The following CNTNAP2 variants were observed in gnomAD, a reference collection of about 807,000 sequenced individuals.
CNTNAP2 encodes contactin-associated protein-like 2.
CNTNAP2 carries 98 observed loss-of-function variants against 155.2 expected under a neutral mutation model. The ratio of observed to expected loss-of-function variants is 0.63; its 90% CI spans 0.54 to 0.75. The LOEUF is 0.75. Among genes scored for constraint, CNTNAP2 ranks in the 30% least tolerant of loss-of-function variants. The pLI, the probability that CNTNAP2 is intolerant of heterozygous loss-of-function variation, is 0.00. For synonymous variants in CNTNAP2, 651 were observed against 631.2 expected (o/e 1.03, Z -0.47); for missense variants, 1,727 against 1,688.1 (o/e 1.02, Z -0.40).
At chr7:147,484,545 T>C (rs1478533829) in intron 10 of CNTNAP2, among the ~76,000 whole-genome samples, 1 of 152,252 alleles carries the variant, frequency 6.6e-6, no homozygotes, top group Non-Finnish European at 1.5e-5. Context: ...AGTCATCTTC[T>C]ATTTTCCGTA....
At chr7:146,938,750 C>T (rs1370323700) in intron 3 of CNTNAP2, among the ~76,000 whole-genome samples, 7 of 151,970 alleles carry the variant, frequency 4.6e-5, no homozygotes, top group Non-Finnish European at 7.4e-5. Flanking sequence ...AGCCCATCAG[C>T]TTCTCGAGGG....
chr7:148,358,337 G>C (rs528641268), intron 21 of CNTNAP2, among the ~76,000 whole-genome samples: 2 of 152,332 alleles, frequency 1.3e-5, no homozygotes, highest in East Asian at 3.9e-4. Context: ...GGATGAAATG[G>C]GGGGAAGAAG....
chr7:146,409,731 A>G (rs1795840453), intron 1 of CNTNAP2, among the ~76,000 whole-genome samples: 1 of 152,182 alleles, frequency 6.6e-6, no homozygotes, highest in Admixed American at 6.5e-5. Flanking sequence ...CTACCCTTCC[A>G]CTAAGATTTT....
chr7:146,903,437 C>A (rs1473121590), intron 3 of CNTNAP2, among the ~76,000 whole-genome samples: 1 of 152,136 alleles, frequency 6.6e-6, no homozygotes, highest in South Asian at 2.1e-4. Context: ...ATGTTAAAAA[C>A]CAAATTTCTG....
chr7:147,262,852 C>T (rs1459450654), intron 8 of CNTNAP2, among the ~76,000 whole-genome samples: 1 of 152,270 alleles, frequency 6.6e-6, no homozygotes, highest in East Asian at 1.9e-4. Context: ...CAAGGAAAGA[C>T]GACTCAGAAG....
chr7:146,395,889 G>A (rs1469956876), intron 1 of CNTNAP2, among the ~76,000 whole-genome samples: 1 of 151,222 alleles, frequency 6.6e-6, no homozygotes, highest in Non-Finnish European at 1.5e-5. Flanking sequence ...TCACCTATAA[G>A]CAAAGGCAAA....
At chr7:147,446,412 T>C (rs764183746) in intron 10 of CNTNAP2, among the ~76,000 whole-genome samples, 1 of 152,212 alleles carries the variant, frequency 6.6e-6, no homozygotes, top group Non-Finnish European at 1.5e-5. Context: ...CTGAAAGTGG[T>C]TGCTGGTTTG....
chr7:146,193,809 C>G (rs1221176295), intron 1 of CNTNAP2, among the ~76,000 whole-genome samples: 1 of 152,208 alleles, frequency 6.6e-6, no homozygotes, highest in Admixed American at 6.5e-5. Context: ...CCGTGTCAGG[C>G]TGCAAATTTT....
At chr7:147,201,306 A>G (rs1802916862) in intron 8 of CNTNAP2, among the ~76,000 whole-genome samples, 2 of 152,206 alleles carry the variant, frequency 1.3e-5, no homozygotes, top group South Asian at 2.1e-4. Context: ...TATTATACAC[A>G]TTTCAGTAAA....
chr7:146,801,118 A>G (rs1802869270), intron 2 of CNTNAP2, among the ~76,000 whole-genome samples: 2 of 152,206 alleles, frequency 1.3e-5, no homozygotes, highest in Non-Finnish European at 2.9e-5. Flanking sequence ...AGCCTTAGGA[A>G]GTCTTTACCC....
chr7:148,317,214 G>A (rs1797706504), intron 21 of CNTNAP2, among the ~76,000 whole-genome samples: 1 of 152,204 alleles, frequency 6.6e-6, no homozygotes. Context: ...AATTAGCCAG[G>A]CGTGGTGGCA....
At chr7:147,457,578 C>A (rs1439206058) in intron 10 of CNTNAP2, among the ~76,000 whole-genome samples, 1 of 146,346 alleles carries the variant, frequency 6.8e-6, no homozygotes, top group African/African-American at 2.5e-5. Context: ...TCCTGTTTTT[C>A]TTATATTCCC....
chr7:146,495,315 G>T (rs57224759), intron 1 of CNTNAP2, among the ~76,000 whole-genome samples: 1 of 152,012 alleles, frequency 6.6e-6, no homozygotes, highest in African/African-American at 2.4e-5. Context: ...TGTTTTCTTC[G>T]AATTAAGGTT....
At chr7:148,141,859 G>A (rs1047279578) in intron 16 of CNTNAP2, among the ~76,000 whole-genome samples, 1 of 152,210 alleles carries the variant, frequency 6.6e-6, no homozygotes, top group African/African-American at 2.4e-5. Flanking sequence ...TGAACAGCAA[G>A]TTCTAAGGCC....
intron 1 of CNTNAP2, among the ~76,000 whole-genome samples, chr7:146,680,911 C>G (rs1800490805): frequency 6.6e-6 from 1 of 152,112 alleles, no homozygotes; most frequent in Admixed American, 6.5e-5. Context: ...GAAGGTGTTA[C>G]AAGAGTGCTG....
intron 21 of CNTNAP2, among the ~76,000 whole-genome samples, chr7:148,307,665 A>T (rs983415611): frequency 6.6e-6 from 1 of 152,154 alleles, no homozygotes; most frequent in Non-Finnish European, 1.5e-5. Flanking sequence ...TTTTAGAAAA[A>T]ATGTGAAGAA....
chr7:147,958,675 A>G (rs1449846142), intron 14 of CNTNAP2, among the ~76,000 whole-genome samples: 1 of 152,222 alleles, frequency 6.6e-6, no homozygotes, highest in Non-Finnish European at 1.5e-5. Flanking sequence ...TTGTAAAAAT[A>G]TTATCATACA....
intron 1 of CNTNAP2, among the ~76,000 whole-genome samples, chr7:146,225,130 A>G (rs1044629516): frequency 2.0e-5 from 3 of 152,146 alleles, no homozygotes; most frequent in Admixed American, 1.3e-4. Flanking sequence ...ATAGCTAGCA[A>G]TGCTGTTTAA....
At chr7:148,364,051 C>T (rs575932493) in intron 21 of CNTNAP2, among the ~76,000 whole-genome samples, 5 of 152,348 alleles carry the variant, frequency 3.3e-5, no homozygotes, top group Admixed American at 3.3e-4. Flanking sequence ...TCCCATGGGG[C>T]AGGGCTCGGG....
Sources: gnomAD v4.1 joint callset for allele counts (sites outside exome capture counted in the v4.1 genomes callset) on GRCh38, gnomAD v4.1.1 for gene constraint, MANE v1.5 for transcripts, NCBI Gene and HGNC (gene_info 2026-07-23, HGNC 2026-07-21) for gene names.